RNLS: variants seen among roughly 807,000 people sequenced by gnomAD.
RNLS encodes the protein renalase, FAD dependent amine oxidase.
RNLS carries 39 observed loss-of-function variants against 39.8 expected under a neutral mutation model. The ratio of observed to expected loss-of-function variants is 0.98; its 90% CI spans 0.76 to 1.28. The LOEUF (loss-of-function observed/expected upper bound fraction) is 1.28. RNLS is among the 50% of genes most tolerant of loss of function. The pLI is 0.00. For missense variants in RNLS, 410 were observed against 413.3 expected (o/e 0.99, Z 0.07); for synonymous variants, 147 against 150.7 (o/e 0.98, Z 0.18).
chr10:88,480,322 G>A (rs575573924), intron 4 of RNLS, among the ~76,000 whole-genome samples: 33 of 152,294 alleles, frequency 2.2e-4, no homozygotes, highest in Middle Eastern at 6.8e-3. Context: ...TACCCCTTAG[G>A]GGAAATCTTT....
chr10:88,230,625 A>C, the RNLS span, among the ~76,000 whole-genome samples: 3 of 152,172 alleles, frequency 2.0e-5, no homozygotes, highest in Non-Finnish European at 4.4e-5. Flanking sequence ...GTCCAAATTC[A>C]TTACTCACAC....
At chr10:88,290,798 G>A (rs1239620834) in intron 6 of RNLS, among the ~76,000 whole-genome samples, 1 of 152,090 alleles carries the variant, frequency 6.6e-6, no homozygotes, top group African/African-American at 2.4e-5. Flanking sequence ...CTAAAACACT[G>A]GCAATGTGGC....
chr10:88,313,708 C>A (rs1342082257), intron 6 of RNLS, among the ~76,000 whole-genome samples: 2 of 152,146 alleles, frequency 1.3e-5, no homozygotes, highest in Non-Finnish European at 2.9e-5. Context: ...TCAACAAGCT[C>A]AGAAATCCCA....
At chr10:88,320,770 A>C (rs1846129275) in intron 5 of RNLS, among the ~76,000 whole-genome samples, 1 of 150,288 alleles carries the variant, frequency 6.7e-6, no homozygotes, top group African/African-American at 2.5e-5. Flanking sequence ...ATGTATGTTT[A>C]CTCAACATCG....
chr10:88,557,778 T>C (rs1163950328), intron 4 of RNLS, among the ~76,000 whole-genome samples: 1 of 152,212 alleles, frequency 6.6e-6, no homozygotes, highest in Non-Finnish European at 1.5e-5. Flanking sequence ...TCAAATTTCT[T>C]CTCTTTTGAA....
intron 4 of RNLS, among the ~76,000 whole-genome samples, chr10:88,537,827 G>T (rs1847846307): frequency 6.6e-6 from 1 of 152,122 alleles, no homozygotes; most frequent in African/African-American, 2.4e-5. Flanking sequence ...AATTCATCAA[G>T]ATGTGTACTT....
chr10:88,418,802 A>AGTT (rs1854199106), intron 4 of RNLS, among the ~76,000 whole-genome samples: 1 of 152,204 alleles, frequency 6.6e-6, no homozygotes, highest in South Asian at 2.1e-4. Context: ...ATGGTGTTTA[A>AGTT]GTTCCTGGGA....
the RNLS span, among the ~76,000 whole-genome samples, chr10:88,228,776 C>G: frequency 6.6e-6 from 1 of 152,200 alleles, no homozygotes; most frequent in Non-Finnish European, 1.5e-5. Flanking sequence ...TTGATCCAAA[C>G]TTTATCTCGT....
chr10:88,359,240 C>T (rs1849438647), intron 5 of RNLS, among the ~76,000 whole-genome samples: 1 of 151,890 alleles, frequency 6.6e-6, no homozygotes, highest in African/African-American at 2.4e-5. Flanking sequence ...CGCTTAAGCT[C>T]AGGAGGCAGA....
intron 5 of RNLS, 38 bp downstream of exon 5, chr10:88,362,514 T>G: frequency 1.9e-6 from 3 of 1,574,140 alleles, no homozygotes; most frequent in Non-Finnish European, 2.6e-6. Context: ...ACACCCACCA[T>G]TGTTGCTGTA....
chr10:88,177,403 A>C, the RNLS span, among the ~76,000 whole-genome samples: 1 of 152,108 alleles, frequency 6.6e-6, no homozygotes, highest in Non-Finnish European at 1.5e-5. Flanking sequence ...TCATTAATTA[A>C]ATTCTTAAGT....
rs966461717 is a variant in RNLS, at chr10:88,297,921, G to C, written c.877-12415C>G. 3.9e-5 allele frequency among the ~76,000 whole-genome samples: 6 copies of C among 152,138 alleles called. No individual in the cohort carries two copies. The East Asian group carries it at 1.2e-3, about 29-fold the overall frequency. ...AGGAACCACCAAGCTGTTTTCCACA[G>C]TGGCTGCACCATTTTACATTCCCAC... On this transcript the variant is annotated intron_variant, in intron 6 of 6. Transcript: ENST00000331772.
At chr10:88,475,296 T>C (rs1055266508) in intron 4 of RNLS, among the ~76,000 whole-genome samples, 6 of 152,172 alleles carry the variant, frequency 3.9e-5, no homozygotes, top group African/African-American at 7.2e-5. Flanking sequence ...TTTAATGTTA[T>C]CAAACTCAAG....
At chr10:88,381,829 T>C (rs764781702) in intron 4 of RNLS, among the ~76,000 whole-genome samples, 2 of 152,066 alleles carry the variant, frequency 1.3e-5, no homozygotes, top group Non-Finnish European at 2.9e-5. Context: ...CTGACCCCTG[T>C]CTGGTTTTTT....
At chr10:88,301,893 AAG>A (rs1477198818) in intron 6 of RNLS, among the ~76,000 whole-genome samples, 1 of 152,238 alleles carries the variant, frequency 6.6e-6, no homozygotes, top group African/African-American at 2.4e-5. Flanking sequence ...TGTGGGCATG[AAG>A]AGAGGTAATC....
chr10:88,434,510 C>T (rs1855340195), intron 4 of RNLS, among the ~76,000 whole-genome samples: 1 of 152,140 alleles, frequency 6.6e-6, no homozygotes, highest in South Asian at 2.1e-4. Context: ...ATATTTGCTA[C>T]ATGACACTAT....
chr10:88,456,020 A>G lies in RNLS; in HGVS notation c.527-93295T>C, dbSNP rs538904634. 7.9e-4 allele frequency among the ~76,000 whole-genome samples: 121 copies of G among 152,366 alleles called. 1 individual carries two copies. Among genetic ancestry groups the G allele is most frequent in the African/African-American group, 2.6e-3 (108 of 41,582 alleles). ...GGAAGAAGCTGGATGAGATGTCAGC[A>G]AGAACATTCTTTGACAAAACCCAGT... On this transcript the variant is annotated intron_variant, in intron 4 of 6. Coordinates refer to ENST00000331772, the MANE Select transcript of RNLS (RefSeq NM_001031709.3).
At chr10:88,562,044 G>A (rs538284043) in intron 4 of RNLS, among the ~76,000 whole-genome samples, 108 of 150,736 alleles carry the variant, frequency 7.2e-4, no homozygotes, top group African/African-American at 1.1e-3. Context: ...TAAAATATCC[G>A]GTCCTGATGA....
chr10:88,507,269 G>GCA (rs1339925027), intron 4 of RNLS, among the ~76,000 whole-genome samples: 4 of 150,816 alleles, frequency 2.7e-5, no homozygotes, highest in South Asian at 2.1e-4. Context: ...ACACACACAC[G>GCA]CACACACACA....
Sources: gnomAD v4.1 joint callset for allele counts (sites outside exome capture counted in the v4.1 genomes callset) on GRCh38, gnomAD v4.1.1 for gene constraint, MANE v1.5 for transcripts, NCBI Gene and HGNC (gene_info 2026-07-23, HGNC 2026-07-21) for gene names.